The following TJP1 variants were observed in gnomAD, a reference collection of about 807,000 sequenced individuals.
TJP1 encodes tight junction protein ZO-1.
Under a neutral mutation model 194.2 loss-of-function variants are expected in TJP1, and 43 were observed. The observed-to-expected ratio is 0.22, with a 90% CI of 0.17 to 0.29. The LOEUF (loss-of-function observed/expected upper bound fraction) is 0.29, where lower values mean the gene tolerates loss of function less well. TJP1 is among the 10% of genes least tolerant of loss of function. The pLI, the probability that TJP1 is intolerant of heterozygous loss-of-function variation, is 1.00. For synonymous variants in TJP1, 801 were observed against 779.0 expected (o/e 1.03, Z -0.47); for missense variants, 1,971 against 2,185.7 (o/e 0.90, Z 1.96).
At chr15:29,957,205 C>T (rs1215776748) in intron 1 of TJP1, among the ~76,000 whole-genome samples, 6 of 152,040 alleles carry the variant, frequency 3.9e-5, no homozygotes, top group African/African-American at 1.4e-4. Context: ...TAGTATAAGC[C>T]ATCTATAAAG....
intron 2 of TJP1, among the ~76,000 whole-genome samples, chr15:29,913,683 A>G (rs1204189746): frequency 6.6e-6 from 1 of 152,124 alleles, no homozygotes; most frequent in Non-Finnish European, 1.5e-5. Flanking sequence ...TGAGAGAGGG[A>G]GGATCTAAAG....
In TJP1 at chr15:29,852,834, G is replaced by T. The variant is rs554942863; in HGVS notation, c.307-52132C>A. Among the ~76,000 whole-genome samples, 9 of 151,986 alleles carry T rather than the reference G, an allele frequency of 5.9e-5. No individual in the cohort carries two copies. In the East Asian group the frequency reaches 1.7e-3, roughly 29 times the overall value. ...CAGGAGAATTGCTTGAACCTGGGAGGCGGAGGTTGCAGTGAGCCGAGATCA... is the reference window on the plus strand; with the variant it reads ...CAGGAGAATTGCTTGAACCTGGGAGTCGGAGGTTGCAGTGAGCCGAGATCA... On this transcript the variant is annotated intron_variant, in intron 2 of 28. Transcript: ENST00000356107.
At chr15:29,919,797 C>T (rs2054298073) in intron 2 of TJP1, among the ~76,000 whole-genome samples, 1 of 152,200 alleles carries the variant, frequency 6.6e-6, no homozygotes, top group Non-Finnish European at 1.5e-5. Context: ...TTCTTCTGGA[C>T]CCTCTGGGAA....
chr15:29,949,067 T>C (rs1384108361), intron 2 of TJP1, among the ~76,000 whole-genome samples: 54 of 114,354 alleles, frequency 4.7e-4, no homozygotes, highest in Non-Finnish European at 8.6e-4. Flanking sequence ...CACCACCACC[T>C]CTACCACCAC....
At chr15:29,864,248 A>C (rs2052215911) in intron 2 of TJP1, among the ~76,000 whole-genome samples, 1 of 146,588 alleles carries the variant, frequency 6.8e-6, no homozygotes, top group African/African-American at 2.5e-5. Context: ...AAAAAAAAAA[A>C]AAAAAAAAAA....
At chr15:29,779,188 A>T (rs1480502) in intron 2 of TJP1, among the ~76,000 whole-genome samples, 1 of 152,118 alleles carries the variant, frequency 6.6e-6, no homozygotes, top group African/African-American at 2.4e-5. Flanking sequence ...AGACCACCGA[A>T]CCTTCAACTG....
At chr15:29,767,889 C>T (rs2046420105) in intron 4 of TJP1, among the ~76,000 whole-genome samples, 1 of 152,188 alleles carries the variant, frequency 6.6e-6, no homozygotes, top group Admixed American at 6.5e-5. Flanking sequence ...CTCTCATTCT[C>T]ATCCCTACCT....
At chr15:29,953,140 A>ATTTTTTTTTTTTTTTTTTTTT (rs71416442) in intron 2 of TJP1, among the ~76,000 whole-genome samples, 6 of 110,996 alleles carry the variant, frequency 5.4e-5, no homozygotes, top group African/African-American at 9.6e-5. Flanking sequence ...AAGAAGACAG[A>ATTTTTTTTTTTTTTTTTTTTT]TTTTTTTTTT....
At chr15:29,846,411 T>G (rs1363585454) in intron 2 of TJP1, among the ~76,000 whole-genome samples, 2 of 152,140 alleles carry the variant, frequency 1.3e-5, no homozygotes, top group Non-Finnish European at 2.9e-5. Context: ...TTAGAAAGCT[T>G]TCGGTTAATA....
At chr15:29,814,958 CA>C (rs1397060429) in intron 1 of TJP1, among the ~76,000 whole-genome samples, 1 of 152,180 alleles carries the variant, frequency 6.6e-6, no homozygotes, top group African/African-American at 2.4e-5. Flanking sequence ...TGGTGTTTTA[CA>C]GTACAAAGTT....
At position 29,925,385 on chromosome 15, in the gene TJP1, C is replaced by T. The variant is rs757757984; in HGVS notation, c.306+30847G>A. Reference sequence around the variant, plus strand: ...TTTGAGGACTGAGGACAGAGGGCATCAGGAAGCCCTGACAACTCTGGCACA... The same window carrying T: ...TTTGAGGACTGAGGACAGAGGGCATTAGGAAGCCCTGACAACTCTGGCACA... On this transcript the variant is annotated intron_variant, in intron 2 of 28. Coordinates refer to the TJP1 transcript ENST00000356107. 1.3e-4 allele frequency among the ~76,000 whole-genome samples: 20 copies of T among 152,190 alleles called. 1 individual carries two copies. Among genetic ancestry groups the T allele is most frequent in the Non-Finnish European group, 2.4e-4 (16 of 68,036 alleles).
intron 15 of TJP1, 82 bp from the exon 16 acceptor site, chr15:29,728,101 A>G (rs1242100857): frequency 8.8e-7 from 1 of 1,134,032 alleles, no homozygotes; most frequent in Non-Finnish European, 1.3e-6. Flanking sequence ...GCCACAACTG[A>G]TATGCCGGAC....
At position 29,822,415 on chromosome 15, in the gene TJP1, G is replaced by A. The variant is rs1021867927; in HGVS notation, c.-387C>T. 4.1e-4 allele frequency: 410 copies of A among 993,094 alleles called. No individual in the cohort carries two copies. Among genetic ancestry groups the A allele is most frequent in the Non-Finnish European group, 4.6e-4 (381 of 835,058 alleles). The allele number at this position is 993,094 out of a possible 1,614,324, so 61.5% of individuals were successfully genotyped here. Reference sequence around the variant, plus strand: ...CGTAACTTCCCGGGAACCGGCGGCCGCCAAGGAACGCGGCGTCCGCTGGCT... The same window carrying A: ...CGTAACTTCCCGGGAACCGGCGGCCACCAAGGAACGCGGCGTCCGCTGGCT... On this transcript the variant is annotated 5_prime_UTR_variant, in exon 1 of 28. Transcript: ENST00000614355.
chr15:29,879,795 T>G (rs189833833), intron 2 of TJP1, among the ~76,000 whole-genome samples: 3 of 152,204 alleles, frequency 2.0e-5, no homozygotes, highest in Non-Finnish European at 2.9e-5. Flanking sequence ...CACTGTAACC[T>G]CCACCTCCCA....
chr15:29,757,729 C>A (rs1213864992), intron 8 of TJP1, among the ~76,000 whole-genome samples: 1 of 152,160 alleles, frequency 6.6e-6, no homozygotes, highest in Non-Finnish European at 1.5e-5. Context: ...GTTACCTTTT[C>A]TTTTATACAC....
At chr15:29,871,729 C>T (rs1043893441) in intron 2 of TJP1, among the ~76,000 whole-genome samples, 1 of 152,008 alleles carries the variant, frequency 6.6e-6, no homozygotes, top group Non-Finnish European at 1.5e-5. Flanking sequence ...GACTGCAGCC[C>T]CAAGAGAGAC....
chr15:29,728,024 T>TC lies in TJP1; in HGVS notation c.2018-6dup, dbSNP rs1160171780. 4 of 1,613,700 alleles carry TC rather than the reference T, an allele frequency of 2.5e-6. No homozygotes were observed. Among genetic ancestry groups the TC allele is most frequent in the Non-Finnish European group, 2.5e-6 (3 of 1,179,596 alleles). On this transcript the variant is annotated splice_polypyrimidine_tract_variant and splice_region_variant and intron_variant, in intron 15 of 27. Coordinates refer to ENST00000614355, the MANE Select transcript of TJP1 (RefSeq NM_001330239.4). ...CAGCGTCTCGTGGTTCACTCTCTAT[T>TC]CATTATGTCAGGACAAAAATAAGAC...
intron 16 of TJP1, 132 bp downstream of exon 16, chr15:29,727,805 A>C (rs1280732577): frequency 1.5e-6 from 1 of 665,848 alleles, no homozygotes; most frequent in Non-Finnish European, 2.6e-6. Flanking sequence ...GCTTTTCAGT[A>C]AGGGCTTAAT....
At chr15:29,842,575 C>T (rs2051263745) in intron 2 of TJP1, among the ~76,000 whole-genome samples, 1 of 152,168 alleles carries the variant, frequency 6.6e-6, no homozygotes, top group Admixed American at 6.5e-5. Context: ...CCTACAGAGA[C>T]ATGGGGAGAC....
Sources: allele counts gnomAD v4.1 joint callset (sites outside exome capture counted in the v4.1 genomes callset), GRCh38; gene constraint gnomAD v4.1.1; transcripts MANE v1.5; gene names NCBI Gene and HGNC (gene_info 2026-07-23, HGNC 2026-07-21).